The following CCDC181 variants were observed in gnomAD, a reference collection of about 807,000 sequenced individuals.
The protein encoded by CCDC181 is coiled-coil domain-containing protein 181.
Under a neutral mutation model 58.7 loss-of-function variants are expected in CCDC181, and 35 were observed. The observed-to-expected ratio is 0.60, with a 90% CI of 0.46 to 0.79. The LOEUF (loss-of-function observed/expected upper bound fraction) is 0.79, where lower values mean the gene tolerates loss of function less well. Ranked by LOEUF, CCDC181 falls within the 30% of genes least tolerant of loss-of-function variation. The pLI, the probability that CCDC181 is intolerant of heterozygous loss-of-function variation, is 0.00. For missense variants in CCDC181, 517 were observed against 583.9 expected, an observed-to-expected ratio of 0.89 and a Z score of 1.18; for synonymous variants, 183 against 197.5, an observed-to-expected ratio of 0.93 and a Z score of 0.62.
intron 5 of CCDC181, among the ~76,000 whole-genome samples, chr1:169,396,778 C>T (rs1437251319): frequency 6.6e-6 from 1 of 152,138 alleles, no homozygotes; most frequent in Admixed American, 6.5e-5. Flanking sequence ...CCCAAATCTC[C>T]TTTGGTCTAT....
At chr1:169,403,203 A>G (rs1158334648) in intron 4 of CCDC181, among the ~76,000 whole-genome samples, 3 of 152,202 alleles carry the variant, frequency 2.0e-5, no homozygotes, top group Non-Finnish European at 4.4e-5. Context: ...ACTCCCACAC[A>G]TTAATAATGG....
rs574259496 is a variant in CCDC181 at position 169,409,587 on chromosome 1, G to A, written c.1215+9426C>T. On this transcript the variant is annotated intron_variant, in intron 4 of 5. Coordinates refer to ENST00000367806, the MANE Select transcript of CCDC181 (RefSeq NM_001300969.2). ...AAGAACAACACCAAGACACATAATC[G>A]CCAGATTCACCAAGTTTGAAATGAA... is the stretch of plus-strand genomic sequence containing the variant. Among the ~76,000 whole-genome samples, 250 of 152,124 alleles carry A rather than the reference G, an allele frequency of 1.6e-3. 1 individual carries two copies. Among genetic ancestry groups the A allele is most frequent in the Non-Finnish European group, 2.7e-3 (183 of 67,998 alleles).
intron 4 of CCDC181, among the ~76,000 whole-genome samples, chr1:169,397,916 C>T (rs1655136233): frequency 6.6e-6 from 1 of 152,226 alleles, no homozygotes; most frequent in South Asian, 2.1e-4. Flanking sequence ...TCATTTAATA[C>T]TTCCCCCAAA....
intron 3 of CCDC181, among the ~76,000 whole-genome samples, chr1:169,419,391 C>A (rs1019605004): frequency 1.3e-5 from 2 of 152,246 alleles, no homozygotes; most frequent in Non-Finnish European, 2.9e-5. Flanking sequence ...ACCAGACTGG[C>A]CAACATGGTG....
In CCDC181 at chr1:169,413,868, G is replaced by A. The variant is rs973169682; in HGVS notation, c.1215+5145C>T. ...GGAACATCACACACTGGGGCCTGTC[G>A]GAGGGTGGGGGGCTAGGGGAGGGAT... On this transcript the variant is annotated intron_variant, in intron 4 of 5. Coordinates refer to ENST00000367806, the MANE Select transcript of CCDC181 (RefSeq NM_001300969.2). 5.3e-5 allele frequency among the ~76,000 whole-genome samples: 8 copies of A among 151,904 alleles called. 1 individual carries two copies. The highest frequency in any genetic ancestry group is 1.9e-4 in the East Asian group (1 of 5,184).
chr1:169,456,537 A>G (rs1657679652), intron 2 of CCDC181, among the ~76,000 whole-genome samples: 1 of 152,142 alleles, frequency 6.6e-6, no homozygotes. Flanking sequence ...TGGGGCCTGC[A>G]CTCATGAAAA....
rs954238005 is a variant in CCDC181 at position 169,397,405 on chromosome 1, C to A, written c.1216-14G>T. On this transcript the variant is annotated splice_polypyrimidine_tract_variant and intron_variant, in intron 4 of 5. Coordinates refer to ENST00000367806, the MANE Select transcript of CCDC181 (RefSeq NM_001300969.2). ...TCTGTTTTCCTGCTGATTAGAAAAA[C>A]AAGCTTTACTTAGTTTAGATAAACA... 6.3e-7 allele frequency: 1 copy of A among 1,592,396 alleles called. No individual in the cohort carries two copies. Among genetic ancestry groups the A allele is most frequent in the Non-Finnish European group, 8.5e-7 (1 of 1,171,474 alleles).
At chr1:169,418,211 C>T (rs1168323599) in intron 4 of CCDC181, among the ~76,000 whole-genome samples, 1 of 152,198 alleles carries the variant, frequency 6.6e-6, no homozygotes, top group Non-Finnish European at 1.5e-5. Flanking sequence ...CTCTTCACTA[C>T]AGCACTGTTA....
At chr1:169,446,073 A>G (rs1393245293) in intron 2 of CCDC181, among the ~76,000 whole-genome samples, 1 of 151,758 alleles carries the variant, frequency 6.6e-6, no homozygotes, top group Non-Finnish European at 1.5e-5. Context: ...GATTTTCTCT[A>G]TTGTTTTCCT....
intron 4 of CCDC181, among the ~76,000 whole-genome samples, chr1:169,406,090 C>T (rs1485617169): frequency 1.3e-5 from 2 of 152,190 alleles, no homozygotes; most frequent in African/African-American, 4.8e-5. Flanking sequence ...ATCAAAACCA[C>T]AACAAGATAC....
At chr1:169,396,770 C>G (rs1290866451) in intron 5 of CCDC181, among the ~76,000 whole-genome samples, 54 of 152,076 alleles carry the variant, frequency 3.6e-4, no homozygotes, top group Admixed American at 8.5e-4. Context: ...AATATGTACC[C>G]AAATCTCCTT....
At chr1:169,443,001 T>C (rs1371357235) in intron 2 of CCDC181, 1 of 151,892 alleles carries the variant, frequency 6.6e-6, no homozygotes, top group Non-Finnish European at 1.5e-5. Flanking sequence ...GAGACATATA[T>C]GTGTCTATAT....
chr1:169,405,798 A>G (rs1429413287), intron 4 of CCDC181, among the ~76,000 whole-genome samples: 1 of 152,238 alleles, frequency 6.6e-6, no homozygotes, highest in Non-Finnish European at 1.5e-5. Flanking sequence ...GCCAAAATTG[A>G]CAAATGGGAT....
intron 2 of CCDC181, among the ~76,000 whole-genome samples, chr1:169,456,055 GA>G (rs758089607): frequency 6.6e-6 from 1 of 152,014 alleles, no homozygotes; most frequent in Non-Finnish European, 1.5e-5. Flanking sequence ...CTTTCTGCAG[GA>G]AAGTTGTCTT....
chr1:169,439,366 T>C (rs1040425492), intron 2 of CCDC181, among the ~76,000 whole-genome samples: 1 of 152,236 alleles, frequency 6.6e-6, no homozygotes, highest in Admixed American at 6.5e-5. Context: ...GCTACTGTTA[T>C]GAGATGTCTC....
chr1:169,454,336 T>A, intron 2 of CCDC181: 1 of 152,180 alleles, frequency 6.6e-6, no homozygotes, highest in Non-Finnish European at 1.5e-5. Context: ...AAGTTATGTA[T>A]AGATAATTCA....
intron 4 of CCDC181, among the ~76,000 whole-genome samples, chr1:169,412,201 G>A (rs773259121): frequency 1.3e-5 from 2 of 152,084 alleles, no homozygotes; most frequent in South Asian, 2.1e-4. Flanking sequence ...CAAAATCAAC[G>A]TGCAAAAATA....
At chr1:169,433,628 C>T (rs1249264027) in intron 2 of CCDC181, among the ~76,000 whole-genome samples, 4 of 152,020 alleles carry the variant, frequency 2.6e-5, no homozygotes, top group Non-Finnish European at 4.4e-5. Flanking sequence ...AATAAACTCT[C>T]ACATATATGG....
Position 169,397,338 on chromosome 1 carries a change from G to A in CCDC181, c.1269C>T (p.His423=), listed in dbSNP as rs774775710. 9.9e-6 allele frequency: 16 copies of A among 1,609,436 alleles called. No homozygotes were observed. Among genetic ancestry groups the A allele is most frequent in the Middle Eastern group, 1.7e-4 (1 of 6,056 alleles). Reference sequence around the variant, plus strand: ...TCTGTCTTTCTTTCATCTGCTCTTCGTGCTTTTTTTTAAGCCATAATCGAA... The same window carrying A: ...TCTGTCTTTCTTTCATCTGCTCTTCATGCTTTTTTTTAAGCCATAATCGAA... The part of the protein sequence containing the change: ...QAFRLWLKKK[H]EEQMKERQTE... The change falls in exon 5 of 6, where the codon CAC becomes CAT. Residue 423 remains histidine (H), a synonymous_variant. Coordinates refer to ENST00000367806, the MANE Select transcript of CCDC181 (RefSeq NM_001300969.2).
Sources: gnomAD v4.1 joint callset for allele counts (sites outside exome capture counted in the v4.1 genomes callset) on GRCh38, gnomAD v4.1.1 for gene constraint, MANE v1.5 for transcripts, NCBI Gene and HGNC (gene_info 2026-07-23, HGNC 2026-07-21) for gene names.